Variants in CSMD1 observed in about 807,000 individuals in gnomAD.
CSMD1 encodes CUB and Sushi multiple domains 1, also known as CUB and sushi domain-containing protein 1.
A neutral mutation model predicts 417.5 loss-of-function variants in CSMD1; 213 were observed. That is an observed-to-expected ratio of 0.51 (90% CI 0.46 to 0.57). CSMD1 has a LOEUF of 0.57. Ranked by LOEUF, CSMD1 falls within the 20% of genes least tolerant of loss-of-function variation. The probability of loss-of-function intolerance (pLI) is 0.00; values close to 1 mark genes in which losing one functional copy is unlikely to be tolerated. For synonymous variants in CSMD1, 2,862 were observed against 1,736.8 expected (o/e 1.65, Z -16.11); for missense variants, 6,923 against 4,529.7 (o/e 1.53, Z -15.17).
rs554471441 is a variant in CSMD1, at chr8:3,369,282, C to T, written c.2871G>A (p.Thr957=). Residue 957 remains threonine (T), a synonymous_variant, in exon 19 of 70, where the codon ACG becomes ACA. Coordinates refer to ENST00000635120, the MANE Select transcript of CSMD1 (RefSeq NM_033225.6). ...PDFYPNSLNC[T]WTIEVSHGKG... The stretch of plus-strand genomic sequence containing the variant: ...TCCCATGAGACACTTCAATGGTCCA[C>T]GTGCAGTTTAGAGAGTTTGGATAAA... 13 of 1,589,714 alleles carry T rather than the reference C, an allele frequency of 8.2e-6. No homozygotes were observed. Among genetic ancestry groups the T allele is most frequent in the East Asian group, 6.7e-5 (3 of 44,706 alleles).
chr8:4,424,943 G>C (rs1384342710), intron 2 of CSMD1, among the ~76,000 whole-genome samples: 3 of 151,994 alleles, frequency 2.0e-5, no homozygotes, highest in African/African-American at 7.2e-5. Flanking sequence ...TTGAGACTGA[G>C]AGGTACTCAA....
intron 41 of CSMD1, among the ~76,000 whole-genome samples, chr8:3,134,565 G>C (rs1052658152): frequency 6.6e-6 from 1 of 152,220 alleles, no homozygotes; most frequent in East Asian, 1.9e-4. Context: ...CTTAGGGATG[G>C]TCGAGTGGTT....
At chr8:4,609,494 A>G (rs916232270) in intron 2 of CSMD1, among the ~76,000 whole-genome samples, 3 of 152,228 alleles carry the variant, frequency 2.0e-5, no homozygotes, top group Non-Finnish European at 4.4e-5. Context: ...ATATGAATTC[A>G]ATAACTCACT....
At chr8:3,350,098 T>C (rs573714578) in intron 21 of CSMD1, among the ~76,000 whole-genome samples, 2 of 129,876 alleles carry the variant, frequency 1.5e-5, no homozygotes, top group African/African-American at 6.0e-5. Context: ...TAATAACCTA[T>C]AATAACTTGT....
intron 3 of CSMD1, among the ~76,000 whole-genome samples, chr8:4,050,030 C>A (rs7814886): frequency 2.0e-5 from 3 of 152,046 alleles, no homozygotes; most frequent in South Asian, 2.1e-4. Context: ...GAAGTTGCGG[C>A]CAGATATTCT....
chr8:4,358,783 G>T (rs1394016411), intron 3 of CSMD1, among the ~76,000 whole-genome samples: 2 of 152,084 alleles, frequency 1.3e-5, no homozygotes, highest in African/African-American at 4.8e-5. Context: ...ATAAAGCTTT[G>T]TCAGCCAAGG....
At chr8:4,853,646 CACT>C (rs1801615494) in intron 1 of CSMD1, among the ~76,000 whole-genome samples, 1 of 152,198 alleles carries the variant, frequency 6.6e-6, no homozygotes, top group African/African-American at 2.4e-5. Context: ...GGAATGTCCC[CACT>C]GGAACACTAC....
chr8:4,083,283 C>A (rs952187315), intron 3 of CSMD1, among the ~76,000 whole-genome samples: 2 of 152,060 alleles, frequency 1.3e-5, no homozygotes, highest in Non-Finnish European at 2.9e-5. Context: ...CCTGTCGTTT[C>A]CTGACTTTTT....
rs1214947643 is a variant in CSMD1, at chr8:4,125,383, G to T, written c.416-93284C>A. Among the ~76,000 whole-genome samples, 4 of 152,134 alleles carry T rather than the reference G, an allele frequency of 2.6e-5. No individual in the cohort carries two copies. The East Asian group carries it at 7.7e-4, about 29-fold the overall frequency. The stretch of plus-strand genomic sequence containing the variant: ...CTTGTGACCTGCAGGTCCCCTCCCT[G>T]CTCCAGTTGTCCCACCTTTCTGGAC... On this transcript the variant is annotated intron_variant, in intron 3 of 69. Transcript: ENST00000635120.
intron 3 of CSMD1, among the ~76,000 whole-genome samples, chr8:4,367,612 T>C (rs1277243642): frequency 6.6e-6 from 1 of 152,198 alleles, no homozygotes; most frequent in Non-Finnish European, 1.5e-5. Context: ...ATGACATTGG[T>C]ACTTTGATAT....
intron 3 of CSMD1, among the ~76,000 whole-genome samples, chr8:4,098,348 G>A (rs1340826901): frequency 6.6e-6 from 1 of 152,116 alleles, no homozygotes; most frequent in Non-Finnish European, 1.5e-5. Flanking sequence ...TATCATAATA[G>A]TGTTGATCTT....
At chr8:3,707,317 G>T (rs904650651) in intron 7 of CSMD1, among the ~76,000 whole-genome samples, 4 of 144,392 alleles carry the variant, frequency 2.8e-5, no homozygotes, top group African/African-American at 5.0e-5. Flanking sequence ...GAATTGACCC[G>T]AGAGGGTTCA....
At chr8:3,306,764 A>G (rs1804886278) in intron 25 of CSMD1, among the ~76,000 whole-genome samples, 1 of 152,240 alleles carries the variant, frequency 6.6e-6, no homozygotes. Flanking sequence ...CTGATTTTAA[A>G]ATTACCTTTT....
chr8:4,494,886 A>G (rs1801900138), intron 2 of CSMD1, among the ~76,000 whole-genome samples: 1 of 152,228 alleles, frequency 6.6e-6, no homozygotes, highest in East Asian at 1.9e-4. Context: ...CAAAAGCTTA[A>G]AATTCTCATT....
chr8:4,268,394 G>A (rs1249781681), intron 3 of CSMD1, among the ~76,000 whole-genome samples: 3 of 152,142 alleles, frequency 2.0e-5, no homozygotes, highest in Non-Finnish European at 4.4e-5. Context: ...TCTCTCAAGA[G>A]GAAGTAATTA....
At chr8:3,816,764 G>C (rs546931951) in intron 5 of CSMD1, among the ~76,000 whole-genome samples, 2 of 152,084 alleles carry the variant, frequency 1.3e-5, no homozygotes, top group Admixed American at 6.5e-5. Context: ...TACCTAATGT[G>C]TGTCAATAAT....
At chr8:3,052,760 G>T in intron 49 of CSMD1, 113 bp from the exon 50 acceptor site, 8 of 768,646 alleles carry the variant, frequency 1.0e-5, no homozygotes, top group Admixed American at 3.9e-5. Flanking sequence ...TTAAAATTGT[G>T]AATTATATTT....
At chr8:4,909,864 G>C (rs1805547074) in intron 1 of CSMD1, among the ~76,000 whole-genome samples, 1 of 152,186 alleles carries the variant, frequency 6.6e-6, no homozygotes, top group Admixed American at 6.5e-5. Flanking sequence ...GATGGGTTCA[G>C]AGAAGTCATT....
chr8:3,771,808 T>C (rs1346531421), intron 5 of CSMD1, among the ~76,000 whole-genome samples: 2 of 152,112 alleles, frequency 1.3e-5, no homozygotes, highest in East Asian at 1.9e-4. Context: ...AACCCTTTAC[T>C]ATGAGGCAGA....
Sources: gnomAD v4.1 joint callset for allele counts (sites outside exome capture counted in the v4.1 genomes callset) on GRCh38, gnomAD v4.1.1 for gene constraint, MANE v1.5 for transcripts, NCBI Gene and HGNC (gene_info 2026-07-23, HGNC 2026-07-21) for gene names.